PCDHA11: variants seen among roughly 807,000 people sequenced by gnomAD.
PCDHA11 encodes protocadherin alpha-11.
In PCDHA11, 61 loss-of-function variants were observed where a neutral mutation model predicts 70.3. The ratio of observed to expected loss-of-function variants is 0.87; its 90% CI spans 0.71 to 1.07. The LOEUF (loss-of-function observed/expected upper bound fraction) is 1.07, where lower values mean the gene tolerates loss of function less well. Ranked by LOEUF, PCDHA11 falls within the 50% of genes least tolerant of loss-of-function variation. The pLI, the probability that PCDHA11 is intolerant of heterozygous loss-of-function variation, is 0.00. For missense variants in PCDHA11, 1,324 were observed against 1,237.5 expected (o/e 1.07, Z -1.05); for synonymous variants, 633 against 555.1 (o/e 1.14, Z -1.97).
intron 1 of PCDHA11, chr5:140,968,382 A>G: frequency 6.2e-7 from 1 of 1,614,050 alleles, no homozygotes; most frequent in Non-Finnish European, 8.5e-7. Flanking sequence ...TCCTTTGACT[A>G]TGAGAAGTTT....
chr5:140,869,616 G>C lies in PCDHA11; in HGVS notation c.513G>C (p.Arg171Ser), dbSNP rs1554163306. The change falls in exon 1 of 4, where the codon AGG becomes AGC. Residue 171 changes from arginine (R) to serine (S), a missense_variant. Physicochemically the swap from Arg to Ser is moderately radical, Grantham distance 110. Transcript: ENST00000398640. ...DIEENALLTY[R>S]LSKNEYFSLD... Reference sequence around the variant, plus strand: ...AAGAGAATGCTCTATTGACCTACAGGCTAAGTAAAAATGAGTATTTTTCTT... The same window carrying C: ...AAGAGAATGCTCTATTGACCTACAGCCTAAGTAAAAATGAGTATTTTTCTT... The C allele has an allele frequency of 6.2e-7, 1 of 1,613,734 alleles. No individual in the cohort carries two copies. The highest frequency in any genetic ancestry group is 8.5e-7 in the Non-Finnish European group (1 of 1,179,900).
At position 140,870,296 on chromosome 5, in the gene PCDHA11, C is replaced by T. The variant is rs782782375; in HGVS notation, c.1193C>T (p.Ser398Phe). ...CCCCACGTTCCCTTCAAGCTGGTGTCCACCTTCAAGAATTACTACTCGTTG... is the reference window on the plus strand; with the variant it reads ...CCCCACGTTCCCTTCAAGCTGGTGTTCACCTTCAAGAATTACTACTCGTTG... ...LTPHVPFKLV[S>F]TFKNYYSLVL... The change falls in exon 1 of 4, where the codon TCC (serine) becomes TTC (phenylalanine). Residue 398 changes from serine to phenylalanine, a missense_variant. Ser to Phe is a radical substitution (Grantham distance 155). Transcript: ENST00000398640. 1.2e-5 allele frequency: 20 copies of T among 1,614,086 alleles called. No homozygotes were observed. In the African/African-American group the frequency reaches 2.3e-4, roughly 18 times the overall value.
chr5:140,906,486 A>C (rs2072686991), intron 1 of PCDHA11, among the ~76,000 whole-genome samples: 1 of 152,270 alleles, frequency 6.6e-6, no homozygotes, highest in East Asian at 1.9e-4. Context: ...GTATAAATGC[A>C]CAAACATGTT....
chr5:140,886,413 C>T (rs1465937681), intron 1 of PCDHA11, among the ~76,000 whole-genome samples: 1 of 152,042 alleles, frequency 6.6e-6, no homozygotes, highest in Non-Finnish European at 1.5e-5. Flanking sequence ...ATGTTTTCCT[C>T]CTATATTATT....
At chr5:140,875,884 C>A in intron 1 of PCDHA11, 1 of 1,614,168 alleles carries the variant, frequency 6.2e-7, no homozygotes, top group Non-Finnish European at 8.5e-7. Context: ...AGAAAGGGAA[C>A]AAAAGGTACC....
At position 140,966,347 on chromosome 5, in the gene PCDHA11, G is replaced by A. The variant is rs189506336; in HGVS notation, c.2392-12602G>A. 6.3e-5 allele frequency: 25 copies of A among 397,502 alleles called. No homozygotes were observed. The East Asian group carries it at 8.6e-4, about 14-fold the overall frequency. The allele number at this position is 397,502 out of a possible 1,614,324, so 24.6% of individuals were successfully genotyped here. A position where few individuals can be genotyped will look rare whatever the true frequency, so the allele number is the denominator to read the frequency against. On this transcript the variant is annotated intron_variant, in intron 1 of 3. Transcript: ENST00000398640. ...GGGATCCGGCAGGTCCAGGGTGAAG[G>A]AGATGGGGCTGGAGAGGCTGAGCAG... is the stretch of plus-strand genomic sequence containing the variant.
At position 140,945,888 on chromosome 5, in the gene PCDHA11, C is replaced by T. The variant is rs117232601; in HGVS notation, c.2392-33061C>T. Among the ~76,000 whole-genome samples, 21 of 152,006 alleles carry T rather than the reference C, an allele frequency of 1.4e-4. No homozygotes were observed. The East Asian group carries it at 2.9e-3, about 21-fold the overall frequency. On this transcript the variant is annotated intron_variant, in intron 1 of 3. Transcript: ENST00000398640. Reference sequence around the variant, plus strand: ...GAAATTGTAAAACTAACAAAGAAAACACAGTGGGAAAGATGAAAGATCAAT... The same window carrying T: ...GAAATTGTAAAACTAACAAAGAAAATACAGTGGGAAAGATGAAAGATCAAT...
At chr5:140,965,893 C>G (rs1173111476) in intron 1 of PCDHA11, among the ~76,000 whole-genome samples, 1 of 152,226 alleles carries the variant, frequency 6.6e-6, no homozygotes, top group Non-Finnish European at 1.5e-5. Context: ...AGAATTGAGT[C>G]TTGGATCCCA....
At chr5:140,985,062 T>C (rs2097134097) in intron 3 of PCDHA11, among the ~76,000 whole-genome samples, 1 of 152,058 alleles carries the variant, frequency 6.6e-6, no homozygotes, top group African/African-American at 2.4e-5. Flanking sequence ...CTCAGCCTCC[T>C]GAGTAGCTGA....
intron 1 of PCDHA11, among the ~76,000 whole-genome samples, chr5:140,954,516 G>C (rs782233597): frequency 3.3e-5 from 5 of 152,172 alleles, no homozygotes; most frequent in Admixed American, 6.5e-5. Flanking sequence ...TTTACCTAAT[G>C]ATCAGTGATG....
chr5:140,982,300 G>A (rs2096976836), intron 2 of PCDHA11, 175 bp from the exon 3 acceptor site: 1 of 1,204,506 alleles, frequency 8.3e-7, no homozygotes, highest in South Asian at 1.7e-5. Flanking sequence ...AGTCAGCAAT[G>A]CTTCTGCAGT....
chr5:140,928,642 G>A (rs2085397273), intron 1 of PCDHA11: 2 of 1,614,114 alleles, frequency 1.2e-6, no homozygotes, highest in Non-Finnish European at 8.5e-7. Flanking sequence ...CACAAAAGTG[G>A]TAGCAGAGGA....
At chr5:140,930,356 A>G (rs1554207746) in intron 1 of PCDHA11, 1 of 152,106 alleles carries the variant, frequency 6.6e-6, no homozygotes, top group African/African-American at 2.4e-5. Context: ...CAAATATTTC[A>G]ATTTATCTGT....
intron 1 of PCDHA11, among the ~76,000 whole-genome samples, chr5:140,879,380 T>C (rs1213546230): frequency 6.6e-6 from 1 of 152,106 alleles, no homozygotes; most frequent in Admixed American, 6.5e-5. Flanking sequence ...CAGAACAAGG[T>C]TGGAGAAACA....
At chr5:140,982,650 CTCTTTT>C (rs2096993978) in intron 3 of PCDHA11, 87 bp downstream of exon 3, 1 of 1,507,000 alleles carries the variant, frequency 6.6e-7, no homozygotes, top group South Asian at 1.3e-5. Context: ...ATGTTGATGG[CTCTTTT>C]TCTTTTATAT....
chr5:140,970,059 G>C (rs2096380498), intron 1 of PCDHA11, among the ~76,000 whole-genome samples: 1 of 152,150 alleles, frequency 6.6e-6, no homozygotes. Context: ...GTCCAGGGAG[G>C]TATTAGAATG....
At position 140,870,179 on chromosome 5, in the gene PCDHA11, G is replaced by C. The variant is rs184228916; in HGVS notation, c.1076G>C (p.Arg359Pro). ...GTGACTTCCTTGTCCCTCCCAGTACGAGAGGACGCTCAGCCCAGCACGGTC... is the reference window on the plus strand; with the variant it reads ...GTGACTTCCTTGTCCCTCCCAGTACCAGAGGACGCTCAGCCCAGCACGGTC... Reference protein sequence around the residue: ...VAVTSLSLPVREDAQPSTVIA... With the variant: ...VAVTSLSLPVPEDAQPSTVIA... Residue 359 changes from arginine (R) to proline (P), a missense_variant, in exon 1 of 4, where the codon CGA becomes CCA. Transcript: ENST00000398640. 4.9e-4 allele frequency: 783 copies of C among 1,614,104 alleles called. 1 individual carries two copies. In the African/African-American group the frequency reaches 9.2e-3, roughly 19 times the overall value.
intron 1 of PCDHA11, among the ~76,000 whole-genome samples, chr5:140,915,075 A>G (rs111889109): frequency 6.6e-6 from 1 of 151,436 alleles, no homozygotes; most frequent in South Asian, 2.1e-4. Context: ...CCTACTGAGT[A>G]GCTGGGACTA....
At chr5:140,942,737 A>C (rs180744405) in intron 1 of PCDHA11, among the ~76,000 whole-genome samples, 1 of 152,354 alleles carries the variant, frequency 6.6e-6, no homozygotes, top group East Asian at 1.9e-4. Context: ...AAAATATTTT[A>C]AAATCTTGTA....
Sources: allele counts gnomAD v4.1 joint callset (sites outside exome capture counted in the v4.1 genomes callset), GRCh38; gene constraint gnomAD v4.1.1; transcripts MANE v1.5; gene names NCBI Gene and HGNC (gene_info 2026-07-23, HGNC 2026-07-21).